Variants in DPP6 observed in about 807,000 individuals in gnomAD.
DPP6 encodes dipeptidyl peptidase like 6, also known as A-type potassium channel modulatory protein DPP6.
In DPP6, 69 loss-of-function variants were observed where a neutral mutation model predicts 122.6. The ratio of observed to expected loss-of-function variants is 0.56; its 90% CI spans 0.46 to 0.69. The LOEUF (loss-of-function observed/expected upper bound fraction) is 0.69, where lower values mean the gene tolerates loss of function less well. Among genes scored for constraint, DPP6 ranks in the 30% least tolerant of loss-of-function variants. The pLI, the probability that DPP6 is intolerant of heterozygous loss-of-function variation, is 0.00. For missense variants in DPP6, 928 were observed against 1,116.9 expected, an observed-to-expected ratio of 0.83 and a Z score of 2.41; for synonymous variants, 418 against 433.1, an observed-to-expected ratio of 0.97 and a Z score of 0.43.
At chr7:154,115,132 TG>T (rs1806887272) in intron 1 of DPP6, among the ~76,000 whole-genome samples, 1 of 152,238 alleles carries the variant, frequency 6.6e-6, no homozygotes, top group African/African-American at 2.4e-5. Flanking sequence ...GGCAGGTTCC[TG>T]GCTGCCCTTG....
intron 1 of DPP6, among the ~76,000 whole-genome samples, chr7:153,928,595 A>T (rs1801032171): frequency 6.6e-6 from 1 of 151,546 alleles, no homozygotes; most frequent in Admixed American, 6.6e-5. Flanking sequence ...TTCACATGGT[A>T]CAGGGGACGA....
chr7:154,705,862 C>G (rs1840801589), intron 7 of DPP6, among the ~76,000 whole-genome samples: 1 of 152,246 alleles, frequency 6.6e-6, no homozygotes, highest in African/African-American at 2.4e-5. Context: ...GCAACTGTAG[C>G]TGAGCTAGTG....
intron 1 of DPP6, among the ~76,000 whole-genome samples, chr7:154,181,806 G>A (rs1350925817): frequency 1.3e-5 from 2 of 148,250 alleles, no homozygotes; most frequent in Admixed American, 6.8e-5. Context: ...GAGTGGTTCA[G>A]TGGTGCAATC....
At chr7:153,856,781 T>C in the DPP6 span, among the ~76,000 whole-genome samples, 1 of 152,180 alleles carries the variant, frequency 6.6e-6, no homozygotes, top group Non-Finnish European at 1.5e-5. Flanking sequence ...ATCATCCAAA[T>C]CACATTTTCA....
chr7:154,311,092 G>A (rs1806836082), intron 1 of DPP6, among the ~76,000 whole-genome samples: 1 of 152,144 alleles, frequency 6.6e-6, no homozygotes, highest in Admixed American at 6.5e-5. Flanking sequence ...CAGGTAGGGG[G>A]TGTATCATCT....
At chr7:153,765,290 C>T in the DPP6 span, among the ~76,000 whole-genome samples, 64,497 of 151,668 alleles carry the variant, frequency 0.43, 14,072 homozygotes, top group South Asian at 0.52. Context: ...GCCTGTAATC[C>T]CAGCACTTTG....
At chr7:154,134,877 GTCCTGTGAGTGTATACT>G (rs1200748410) in intron 1 of DPP6, among the ~76,000 whole-genome samples, 1 of 150,052 alleles carries the variant, frequency 6.7e-6, no homozygotes, top group Non-Finnish European at 1.5e-5. Context: ...GAGCTTACAT[GTCCTGTGAGTGTATACT>G]TCCTGTGAGT....
At chr7:154,880,782 G>C (rs1038649407) in intron 20 of DPP6, 106 bp from the exon 21 acceptor site, 18 of 1,578,306 alleles carry the variant, frequency 1.1e-5, no homozygotes, top group Non-Finnish European at 1.4e-5. Context: ...ATTTGAAGAG[G>C]GGTTTTCATC....
chr7:154,545,218 A>G (rs773599725), intron 4 of DPP6, among the ~76,000 whole-genome samples: 1 of 152,218 alleles, frequency 6.6e-6, no homozygotes, highest in Non-Finnish European at 1.5e-5. Flanking sequence ...CATGCTCCTT[A>G]TAAGACTCTT....
intron 1 of DPP6, among the ~76,000 whole-genome samples, chr7:154,405,132 A>G (rs530148675): frequency 7.7e-4 from 117 of 152,286 alleles, no homozygotes; most frequent in African/African-American, 2.7e-3. Flanking sequence ...CCAACCCTAT[A>G]AAGTAAGACC....
At chr7:154,800,929 C>T (rs530997645) in intron 12 of DPP6, among the ~76,000 whole-genome samples, 3 of 152,144 alleles carry the variant, frequency 2.0e-5, no homozygotes, top group South Asian at 4.1e-4. Context: ...ATGTTTTTTT[C>T]TGATATATAA....
chr7:153,759,482 C>T, the DPP6 span, among the ~76,000 whole-genome samples: 5 of 151,688 alleles, frequency 3.3e-5, no homozygotes, highest in Non-Finnish European at 7.4e-5. Flanking sequence ...CCACCACACC[C>T]AGCTAATTTT....
Position 154,353,383 on chromosome 7 carries a change from G to A in DPP6, c.244-92831G>A, listed in dbSNP as rs1219007375. Reference sequence around the variant, plus strand: ...TGCAAGCAGACGTGCCCAGTATAGCGAGAACCAGAATAATGAACCCCTGCA... The same window carrying A: ...TGCAAGCAGACGTGCCCAGTATAGCAAGAACCAGAATAATGAACCCCTGCA... On this transcript the variant is annotated intron_variant, in intron 1 of 25. Coordinates refer to ENST00000377770, the MANE Select transcript of DPP6 (RefSeq NM_130797.4). 1.4e-4 allele frequency among the ~76,000 whole-genome samples: 21 copies of A among 152,116 alleles called. 2 individuals carry two copies. The highest frequency in any genetic ancestry group is 1.2e-3 in the Admixed American group (19 of 15,274).
intron 1 of DPP6, among the ~76,000 whole-genome samples, chr7:153,953,773 CA>C (rs1802328982): frequency 6.6e-6 from 1 of 151,964 alleles, no homozygotes; most frequent in African/African-American, 2.4e-5. Context: ...CACGTAGACA[CA>C]CACATACACA....
chr7:154,856,394 G>C (rs1802830374), intron 17 of DPP6, among the ~76,000 whole-genome samples: 1 of 152,222 alleles, frequency 6.6e-6, no homozygotes. Context: ...AGTTTCCAAG[G>C]CTCATGTGTG....
At position 154,885,744 on chromosome 7, in the gene DPP6, G is replaced by A; in HGVS notation, c.2245G>A (p.Ala749Thr). 4 of 1,587,144 alleles carry A rather than the reference G, an allele frequency of 2.5e-6. No individual in the cohort carries two copies. The highest frequency in any genetic ancestry group is 3.4e-6 in the Non-Finnish European group (4 of 1,166,718). The change falls in exon 22 of 26, where the codon GCC (alanine) becomes ACC (threonine). Residue 749 changes from alanine to threonine, a missense_variant and splice_region_variant. Transcript: ENST00000377770. ...LSPITDFKLY[A>T]SAFSERYLGL... ...TCCAATAACAGACTTCAAACTCTAT[G>A]GTAAATAGCCCTGCAGGACCAAGCG...
At chr7:154,299,025 G>A (rs6464398) in intron 1 of DPP6, among the ~76,000 whole-genome samples, 78,586 of 152,140 alleles carry the variant, frequency 0.52, 22,397 homozygotes, top group African/African-American at 0.78. Context: ...ACTGGACACA[G>A]GAGAAATGTG....
At chr7:153,985,848 A>G (rs796205764) in intron 1 of DPP6, among the ~76,000 whole-genome samples, 71 of 152,344 alleles carry the variant, frequency 4.7e-4, no homozygotes, top group African/African-American at 1.7e-3. Context: ...ATTCTGGAAC[A>G]AAAATCTAAC....
At chr7:153,979,865 T>C (rs1291498920) in intron 1 of DPP6, among the ~76,000 whole-genome samples, 2 of 152,226 alleles carry the variant, frequency 1.3e-5, no homozygotes, top group Non-Finnish European at 2.9e-5. Context: ...TTGCATGTGT[T>C]GAACCACCCT....
Sources: gnomAD v4.1 joint callset for allele counts (sites outside exome capture counted in the v4.1 genomes callset) on GRCh38, gnomAD v4.1.1 for gene constraint, MANE v1.5 for transcripts, NCBI Gene and HGNC (gene_info 2026-07-23, HGNC 2026-07-21) for gene names.